The following CCL18 variants were observed in gnomAD, a reference collection of about 807,000 sequenced individuals.
CCL18 encodes the protein C-C motif chemokine ligand 18, also known as C-C motif chemokine 18.
CCL18 carries 7 observed loss-of-function variants against 8.0 expected under a neutral mutation model. The ratio of observed to expected loss-of-function variants is 0.87; its 90% CI spans 0.50 to 1.64. The LOEUF (loss-of-function observed/expected upper bound fraction) is 1.64, where lower values mean the gene tolerates loss of function less well. CCL18 is among the 40% of genes most tolerant of loss of function. The probability of loss-of-function intolerance (pLI) is 0.00; values close to 1 mark genes in which losing one functional copy is unlikely to be tolerated. For synonymous variants in CCL18, 35 were observed against 41.3 expected (o/e 0.85, Z 0.59); for missense variants, 95 against 107.8 (o/e 0.88, Z 0.52).
rs200043307 is a variant in CCL18, at chr17:36,070,999, G to A, written c.228G>A (p.Lys76=). Residue 76 remains lysine, a synonymous_variant, in exon 3 of 3, where the codon AAG becomes AAA. Coordinates refer to ENST00000616054, the MANE Select transcript of CCL18 (RefSeq NM_002988.4). ...GRQICADPNK[K]WVQKYISDLK... ...AGATCTGTGCTGACCCCAATAAGAA[G>A]TGGGTCCAGAAATACATCAGCGACC... 85 of 1,614,092 alleles carry A rather than the reference G, an allele frequency of 5.3e-5. 1 individual carries two copies. In the East Asian group the frequency reaches 1.9e-3, roughly 36 times the overall value.
intron 1 of CCL18, among the ~76,000 whole-genome samples, chr17:36,068,060 T>A (rs1460946634): frequency 6.6e-6 from 1 of 152,206 alleles, no homozygotes; most frequent in Non-Finnish European, 1.5e-5. Context: ...AGGTGTACGG[T>A]AGACTACACC....
chr17:36,068,579 T>A (rs952932867), intron 1 of CCL18, among the ~76,000 whole-genome samples: 3 of 152,224 alleles, frequency 2.0e-5, no homozygotes, highest in Non-Finnish European at 4.4e-5. Flanking sequence ...ATAGTTCACA[T>A]AACAAATCAT....
At chr17:36,069,307 T>C (rs712043) in intron 1 of CCL18, among the ~76,000 whole-genome samples, 118,205 of 152,164 alleles carry the variant, frequency 0.78, 46,854 homozygotes, top group African/African-American at 0.94. Context: ...CTCACCTCCT[T>C]TCACTGTGGA....
Position 36,071,002 on chromosome 17 carries a change from G to C in CCL18, c.231G>C (p.Trp77Cys). 1 of 1,614,054 alleles carries C rather than the reference G, an allele frequency of 6.2e-7. No homozygotes were observed. Among genetic ancestry groups the C allele is most frequent in the Non-Finnish European group, 8.5e-7 (1 of 1,179,954 alleles). Residue 77 changes from tryptophan (W) to cysteine (C), a missense_variant, in exon 3 of 3, where the codon TGG (tryptophan) becomes TGC (cysteine). Physicochemically the swap from Trp to Cys is radical, Grantham distance 215. Transcript: ENST00000616054. ...TCTGTGCTGACCCCAATAAGAAGTGGGTCCAGAAATACATCAGCGACCTGA... is the reference window on the plus strand; with the variant it reads ...TCTGTGCTGACCCCAATAAGAAGTGCGTCCAGAAATACATCAGCGACCTGA... ...RQICADPNKK[W>C]VQKYISDLKL...
chr17:36,069,312 T>A (rs2066853283), intron 1 of CCL18, among the ~76,000 whole-genome samples: 2 of 152,220 alleles, frequency 1.3e-5, no homozygotes, highest in African/African-American at 4.8e-5. Flanking sequence ...CTCCTTTCAC[T>A]GTGGAAACCA....
intron 1 of CCL18, among the ~76,000 whole-genome samples, chr17:36,068,914 C>T (rs1206336928): frequency 1.3e-5 from 2 of 152,112 alleles, no homozygotes; most frequent in Non-Finnish European, 2.9e-5. Flanking sequence ...GGCTGGAGTG[C>T]AGTGGCATGA....
In CCL18 at chr17:36,070,443, G is replaced by A. The variant is rs1424568569; in HGVS notation, c.68-4G>A. The A allele has an allele frequency of 6.4e-7, 1 of 1,567,620 alleles. No homozygotes were observed. Among genetic ancestry groups the A allele is most frequent in the East Asian group, 2.2e-5 (1 of 44,652 alleles). On this transcript the variant is annotated splice_region_variant and splice_polypyrimidine_tract_variant and intron_variant, in intron 1 of 2. Coordinates refer to ENST00000616054, the MANE Select transcript of CCL18 (RefSeq NM_002988.4). ...TTGGGATCTTTCTGTCCTGTCTCTTGCAGTTGGTACCAACAAAGAGCTCTG... is the reference window on the plus strand; with the variant it reads ...TTGGGATCTTTCTGTCCTGTCTCTTACAGTTGGTACCAACAAAGAGCTCTG...
chr17:36,070,519 A>G lies in CCL18; in HGVS notation c.140A>G (p.Tyr47Cys), dbSNP rs1207666760. ...WQIPQKFIVD[Y>C]SETSPQCPKP... ...ATTCCACAAAAGTTCATAGTTGACTATTCTGAAACCAGCCCCCAGTGCCCC... is the reference window on the plus strand; with the variant it reads ...ATTCCACAAAAGTTCATAGTTGACTGTTCTGAAACCAGCCCCCAGTGCCCC... Residue 47 changes from tyrosine to cysteine, a missense_variant, in exon 2 of 3, where the codon TAT (tyrosine) becomes TGT (cysteine). Physicochemically the swap from Tyr to Cys is radical, Grantham distance 194. Transcript: ENST00000616054. 1.9e-6 allele frequency: 3 copies of G among 1,613,988 alleles called. No homozygotes were observed. Among genetic ancestry groups the G allele is most frequent in the Admixed American group, 3.3e-5 (2 of 60,036 alleles).
chr17:36,066,915 G>C (rs1387090613), intron 1 of CCL18, among the ~76,000 whole-genome samples: 1 of 152,348 alleles, frequency 6.6e-6, no homozygotes, highest in South Asian at 2.1e-4. Context: ...GTGTTACCAA[G>C]AAGCCAAGCT....
Position 36,070,517 on chromosome 17 carries a change from C to T in CCL18, c.138C>T (p.Asp46=). The T allele has an allele frequency of 1.9e-6, 3 of 1,614,010 alleles. No homozygotes were observed. The highest frequency in any genetic ancestry group is 2.5e-6 in the Non-Finnish European group (3 of 1,179,842). The change falls in exon 2 of 3, where the codon GAC becomes GAT. Residue 46 remains aspartate, a synonymous_variant. Coordinates refer to ENST00000616054, the MANE Select transcript of CCL18 (RefSeq NM_002988.4). ...AGATTCCACAAAAGTTCATAGTTGA[C>T]TATTCTGAAACCAGCCCCCAGTGCC... The part of the protein sequence containing the change: ...SWQIPQKFIV[D]YSETSPQCPK...
At chr17:36,064,566 G>C (rs543650065) in intron 1 of CCL18, among the ~76,000 whole-genome samples, 157 bp downstream of exon 1, 21 of 152,322 alleles carry the variant, frequency 1.4e-4, no homozygotes, top group Non-Finnish European at 2.8e-4. Context: ...TTGAAAAGCA[G>C]TCTATTGATC....
At chr17:36,066,473 C>A (rs2066837569) in intron 1 of CCL18, among the ~76,000 whole-genome samples, 1 of 152,178 alleles carries the variant, frequency 6.6e-6, no homozygotes, top group Non-Finnish European at 1.5e-5. Flanking sequence ...CAACTCTAAA[C>A]CATGAGGAGC....
At chr17:36,068,915 A>C (rs2066850823) in intron 1 of CCL18, among the ~76,000 whole-genome samples, 1 of 152,172 alleles carries the variant, frequency 6.6e-6, no homozygotes, top group South Asian at 2.1e-4. Flanking sequence ...GCTGGAGTGC[A>C]GTGGCATGAT....
intron 1 of CCL18, among the ~76,000 whole-genome samples, chr17:36,067,633 C>G (rs1374424866): frequency 6.6e-6 from 1 of 151,970 alleles, no homozygotes; most frequent in East Asian, 1.9e-4. Context: ...GTTGCATTGA[C>G]CTGGGATCAC....
intron 2 of CCL18, 36 bp from the exon 3 acceptor site, chr17:36,070,915 T>A (rs2142053790): frequency 6.9e-7 from 1 of 1,451,714 alleles, no homozygotes; most frequent in South Asian, 1.1e-5. Flanking sequence ...CCCTGATGAA[T>A]TCGTCAGTTC....
intron 1 of CCL18, 41 bp from the exon 2 acceptor site, chr17:36,070,406 G>A (rs1278754560): frequency 2.3e-6 from 3 of 1,291,378 alleles, no homozygotes; most frequent in East Asian, 2.3e-5. Context: ...GGCTTGCCTT[G>A]TGAACAATGA....
chr17:36,070,971 G>A lies in CCL18; in HGVS notation c.200G>A (p.Arg67Gln), dbSNP rs778538949. Reference sequence around the variant, plus strand: ...CACAGCCTCCTAACCAAGAGAGGCCGGCAGATCTGTGCTGACCCCAATAAG... The same window carrying A: ...CACAGCCTCCTAACCAAGAGAGGCCAGCAGATCTGTGCTGACCCCAATAAG... ...PGVILLTKRG[R>Q]QICADPNKKW... The change falls in exon 3 of 3, where the codon CGG (arginine) becomes CAG (glutamine). Residue 67 changes from arginine (R) to glutamine (Q), a missense_variant. Transcript: ENST00000616054. 24 of 1,613,808 alleles carry A rather than the reference G, an allele frequency of 1.5e-5. No homozygotes were observed. The South Asian group carries it at 2.1e-4, about 14-fold the overall frequency.
In CCL18 at chr17:36,070,967, G is replaced by A. The variant is rs750559440; in HGVS notation, c.196G>A (p.Gly66Ser). ...TCTCCACAGCCTCCTAACCAAGAGA[G>A]GCCGGCAGATCTGTGCTGACCCCAA... ...KPGVILLTKRGRQICADPNKK... is the reference protein window; with the variant it reads ...KPGVILLTKRSRQICADPNKK... The change falls in exon 3 of 3, where the codon GGC (glycine) becomes AGC (serine). Residue 66 changes from glycine (G) to serine (S), a missense_variant. Gly to Ser is a moderately conservative substitution (Grantham distance 56). Coordinates refer to ENST00000616054, the MANE Select transcript of CCL18 (RefSeq NM_002988.4). 1.5e-5 allele frequency: 25 copies of A among 1,613,644 alleles called. No individual in the cohort carries two copies. The Admixed American group carries it at 3.8e-4, about 25-fold the overall frequency.
chr17:36,069,497 G>C (rs910163811), intron 1 of CCL18, among the ~76,000 whole-genome samples: 2 of 152,180 alleles, frequency 1.3e-5, no homozygotes, highest in African/African-American at 2.4e-5. Context: ...TAATATCTGG[G>C]TGATGAAATA....
Sources: gnomAD v4.1 joint callset for allele counts (sites outside exome capture counted in the v4.1 genomes callset) on GRCh38, gnomAD v4.1.1 for gene constraint, MANE v1.5 for transcripts, NCBI Gene and HGNC (gene_info 2026-07-23, HGNC 2026-07-21) for gene names.